The following SPMIP7 variants were observed in gnomAD, a reference collection of about 807,000 sequenced individuals.
SPMIP7 encodes the protein sperm microtubule inner protein 7.
At chr7:50,140,219 AT>A in the SPMIP7 span, 1 of 1,376,882 alleles carries the variant, frequency 7.3e-7, no homozygotes, top group Non-Finnish European at 9.7e-7. Flanking sequence ...AAAATTTTAG[AT>A]TTATATTTTG....
the SPMIP7 span, among the ~76,000 whole-genome samples, chr7:50,124,715 A>C: frequency 6.6e-6 from 1 of 152,222 alleles, no homozygotes; most frequent in Non-Finnish European, 1.5e-5. Context: ...TGTATAATGC[A>C]GTTAAAACTC....
At chr7:50,109,078 T>C in the SPMIP7 span, among the ~76,000 whole-genome samples, 1 of 152,202 alleles carries the variant, frequency 6.6e-6, no homozygotes, top group East Asian at 1.9e-4. Flanking sequence ...GTTGCTTTAG[T>C]ATTGCACTAT....
At chr7:50,096,160 G>A in the SPMIP7 span, 2 of 1,551,030 alleles carry the variant, frequency 1.3e-6, no homozygotes, top group Non-Finnish European at 1.7e-6. Flanking sequence ...GAACTGTTGA[G>A]AATATAGATT....
At chr7:50,155,984 A>C in the SPMIP7 span, among the ~76,000 whole-genome samples, 1 of 152,050 alleles carries the variant, frequency 6.6e-6, no homozygotes, top group African/African-American at 2.4e-5. Context: ...CCCACAACTA[A>C]GTGATGGCTC....
chr7:50,124,322 A>G, the SPMIP7 span, among the ~76,000 whole-genome samples: 6 of 152,190 alleles, frequency 3.9e-5, no homozygotes, highest in African/African-American at 1.2e-4. Context: ...TGTCTACTTG[A>G]TAAAGCAACT....
At chr7:50,150,133 G>A in the SPMIP7 span, among the ~76,000 whole-genome samples, 233 of 152,288 alleles carry the variant, frequency 1.5e-3, no homozygotes, top group Non-Finnish European at 2.1e-3. Flanking sequence ...AAGATAAGTG[G>A]TTCCTGGAGA....
the SPMIP7 span, chr7:50,117,415 G>A: frequency 3.7e-6 from 1 of 269,754 alleles, no homozygotes; most frequent in East Asian, 9.3e-5. Flanking sequence ...TGCAAGTCTT[G>A]CACACTGCAA....
At chr7:50,156,078 A>G in the SPMIP7 span, among the ~76,000 whole-genome samples, 1 of 152,148 alleles carries the variant, frequency 6.6e-6, no homozygotes, top group African/African-American at 2.4e-5. Flanking sequence ...TCTGGCATGA[A>G]AAAGCATGGT....
the SPMIP7 span, among the ~76,000 whole-genome samples, chr7:50,139,463 A>C: frequency 6.6e-6 from 1 of 152,116 alleles, no homozygotes; most frequent in Non-Finnish European, 1.5e-5. Flanking sequence ...AATTCTTAAC[A>C]TGTGAATGTT....
the SPMIP7 span, among the ~76,000 whole-genome samples, chr7:50,118,422 T>C: frequency 6.6e-6 from 1 of 152,312 alleles, no homozygotes; most frequent in Non-Finnish European, 1.5e-5. Flanking sequence ...GTCAAACTCA[T>C]AATCCTGTGA....
the SPMIP7 span, chr7:50,141,448 G>A: frequency 1.9e-6 from 2 of 1,041,662 alleles, no homozygotes; most frequent in Non-Finnish European, 2.9e-6. Context: ...CATGATGATG[G>A]ACTTTACCAT....
the SPMIP7 span, among the ~76,000 whole-genome samples, chr7:50,110,902 TTA>T: frequency 1.5e-5 from 2 of 137,204 alleles, no homozygotes; most frequent in African/African-American, 5.5e-5. Flanking sequence ...TAATATATGA[TTA>T]TATATAAAAA....
chr7:50,152,708 A>ATTT, the SPMIP7 span, among the ~76,000 whole-genome samples: 4 of 151,208 alleles, frequency 2.6e-5, no homozygotes, highest in Non-Finnish European at 4.4e-5. Flanking sequence ...TTATTTATTT[A>ATTT]AGACAGAGTA....
At chr7:50,149,004 G>A in the SPMIP7 span, among the ~76,000 whole-genome samples, 1 of 152,198 alleles carries the variant, frequency 6.6e-6, no homozygotes, top group Non-Finnish European at 1.5e-5. Context: ...AGTTAGCTGG[G>A]CATGGTGGTG....
chr7:50,120,041 A>T, the SPMIP7 span, among the ~76,000 whole-genome samples: 1 of 152,128 alleles, frequency 6.6e-6, no homozygotes, highest in South Asian at 2.1e-4. Context: ...GGGCCTGCAG[A>T]CACATTGGGT....
the SPMIP7 span, among the ~76,000 whole-genome samples, chr7:50,139,165 G>A: frequency 2.6e-5 from 4 of 151,882 alleles, no homozygotes; most frequent in Admixed American, 6.6e-5. Flanking sequence ...CCTGGCCAAC[G>A]TGGTGAAACC....
At chr7:50,105,777 G>T in the SPMIP7 span, among the ~76,000 whole-genome samples, 3 of 152,106 alleles carry the variant, frequency 2.0e-5, no homozygotes, top group Non-Finnish European at 2.9e-5. Context: ...TGCATAATGT[G>T]ATTGCAAGGG....
chr7:50,141,410 T>A, the SPMIP7 span: 1 of 1,359,400 alleles, frequency 7.4e-7, no homozygotes. Flanking sequence ...TCATGATTAT[T>A]TCACTTGTTT....
At chr7:50,112,929 G>A in the SPMIP7 span, among the ~76,000 whole-genome samples, 13 of 101,344 alleles carry the variant, frequency 1.3e-4, 1 homozygote, top group Middle Eastern at 4.3e-3. Flanking sequence ...GATCGCTCAG[G>A]TCTTTGGGTA....
Sources: allele counts gnomAD v4.1 joint callset (sites outside exome capture counted in the v4.1 genomes callset), GRCh38; gene constraint gnomAD v4.1.1; transcripts MANE v1.5; gene names NCBI Gene and HGNC (gene_info 2026-07-23, HGNC 2026-07-21).